The following THADA variants were observed in gnomAD, a reference collection of about 807,000 sequenced individuals.
THADA encodes the protein tRNA (32-2'-O)-methyltransferase regulator THADA.
A neutral mutation model predicts 219.8 loss-of-function variants in THADA; 213 were observed. That is an observed-to-expected ratio of 0.97 (90% confidence interval 0.87 to 1.09). THADA has a LOEUF of 1.09. Ranked by LOEUF, THADA falls within the 50% of genes least tolerant of loss-of-function variation. THADA has a pLI of 0.00. For missense variants in THADA, 2,956 were observed against 2,311.3 expected (o/e 1.28, Z -5.72); for synonymous variants, 1,018 against 828.9 (o/e 1.23, Z -3.92).
At chr2:43,546,028 T>C (rs939376758) in intron 20 of THADA, among the ~76,000 whole-genome samples, 1 of 150,696 alleles carries the variant, frequency 6.6e-6, no homozygotes, top group East Asian at 1.9e-4. Flanking sequence ...CAAATTTCCC[T>C]CTACACACTG....
At chr2:43,521,938 A>T (rs1011287201) in intron 22 of THADA, among the ~76,000 whole-genome samples, 1 of 152,216 alleles carries the variant, frequency 6.6e-6, no homozygotes, top group African/African-American at 2.4e-5. Flanking sequence ...GCACAGAGCT[A>T]TTTTTAACTT....
chr2:43,294,262 A>G (rs539559620), intron 31 of THADA, among the ~76,000 whole-genome samples: 76 of 152,258 alleles, frequency 5.0e-4, no homozygotes, highest in Admixed American at 2.0e-3. Context: ...TAGGAGCTAA[A>G]TAAGATCACT....
At chr2:43,249,067 C>G (rs1359787142) in intron 36 of THADA, among the ~76,000 whole-genome samples, 2 of 152,156 alleles carry the variant, frequency 1.3e-5, no homozygotes, top group African/African-American at 2.4e-5. Flanking sequence ...CACCATCCTT[C>G]CTCTCAGAAC....
At chr2:43,520,094 A>C (rs2103676461) in intron 22 of THADA, among the ~76,000 whole-genome samples, 1 of 152,328 alleles carries the variant, frequency 6.6e-6, no homozygotes, top group South Asian at 2.1e-4. Context: ...AGGGCCTAGC[A>C]AGGATATAAA....
chr2:43,457,938 C>A (rs987219725), intron 26 of THADA, among the ~76,000 whole-genome samples: 2 of 151,946 alleles, frequency 1.3e-5, no homozygotes, highest in African/African-American at 4.8e-5. Flanking sequence ...AAAAAAATCC[C>A]AGGTGATAGG....
chr2:43,503,057 T>C (rs1281260081), intron 24 of THADA, among the ~76,000 whole-genome samples: 1 of 152,126 alleles, frequency 6.6e-6, no homozygotes, highest in Non-Finnish European at 1.5e-5. Context: ...AGTCAAAAAC[T>C]GTAAAAGTCT....
At chr2:43,588,891 ATTACT>A (rs1320138284) in intron 4 of THADA, among the ~76,000 whole-genome samples, 1 of 152,164 alleles carries the variant, frequency 6.6e-6, no homozygotes, top group Non-Finnish European at 1.5e-5. Context: ...AAGTGATTAA[ATTACT>A]TTATACCATG....
chr2:43,414,109 T>C (rs1465669863), intron 28 of THADA, among the ~76,000 whole-genome samples: 1 of 152,258 alleles, frequency 6.6e-6, no homozygotes, highest in African/African-American at 2.4e-5. Flanking sequence ...GTTTACTTTT[T>C]CTCCAAATGT....
At chr2:43,306,657 G>C (rs1041071695) in intron 31 of THADA, among the ~76,000 whole-genome samples, 2 of 152,198 alleles carry the variant, frequency 1.3e-5, no homozygotes, top group Non-Finnish European at 2.9e-5. Context: ...AATCATCTGT[G>C]ATGTTGCAAG....
At chr2:43,302,530 T>C (rs927814188) in intron 31 of THADA, among the ~76,000 whole-genome samples, 2 of 151,962 alleles carry the variant, frequency 1.3e-5, no homozygotes, top group African/African-American at 2.4e-5. Context: ...TGGATTCACA[T>C]GGAAGGACAA....
At chr2:43,508,122 T>C (rs1212429551) in intron 23 of THADA, among the ~76,000 whole-genome samples, 3 of 152,108 alleles carry the variant, frequency 2.0e-5, no homozygotes, top group African/African-American at 7.2e-5. Context: ...CTAGAATATA[T>C]GGATGATAAT....
At chr2:43,352,470 A>C (rs1356938091) in intron 29 of THADA, among the ~76,000 whole-genome samples, 1 of 152,144 alleles carries the variant, frequency 6.6e-6, no homozygotes, top group East Asian at 1.9e-4. Context: ...AGGCAGGAGA[A>C]TCACTTGAAC....
At chr2:43,507,082 G>A (rs1689769405) in intron 23 of THADA, among the ~76,000 whole-genome samples, 1 of 152,072 alleles carries the variant, frequency 6.6e-6, no homozygotes, top group South Asian at 2.1e-4. Flanking sequence ...ACACTAAGCA[G>A]ATTTCCACCA....
intron 36 of THADA, among the ~76,000 whole-genome samples, chr2:43,266,969 C>T (rs1049248885): frequency 6.6e-6 from 1 of 152,008 alleles, no homozygotes; most frequent in Admixed American, 6.6e-5. Flanking sequence ...TTTTTGGTCT[C>T]TACTAAGTGT....
chr2:43,462,677 A>G (rs570564724), intron 26 of THADA, among the ~76,000 whole-genome samples: 3 of 152,286 alleles, frequency 2.0e-5, no homozygotes, highest in East Asian at 3.9e-4. Flanking sequence ...CTTCATTTCT[A>G]TCATTCTCTT....
intron 27 of THADA, among the ~76,000 whole-genome samples, chr2:43,428,741 T>C (rs552701483): frequency 6.6e-6 from 1 of 152,126 alleles, no homozygotes; most frequent in East Asian, 1.9e-4. Flanking sequence ...AACAGGGAAA[T>C]GGGCTTTCGT....
chr2:43,443,186 C>T (rs1463382123), intron 26 of THADA, among the ~76,000 whole-genome samples: 1 of 152,150 alleles, frequency 6.6e-6, no homozygotes. Context: ...GAGTATAATG[C>T]CCAGTTTACA....
intron 28 of THADA, among the ~76,000 whole-genome samples, chr2:43,402,999 T>C (rs111350412): frequency 7.2e-5 from 11 of 152,350 alleles, no homozygotes; most frequent in African/African-American, 2.6e-4. Context: ...AAGTCACTAG[T>C]ATGTGCCAGG....
intron 21 of THADA, among the ~76,000 whole-genome samples, chr2:43,528,395 G>A (rs1012966667): frequency 3.3e-5 from 5 of 152,142 alleles, no homozygotes; most frequent in African/African-American, 1.2e-4. Context: ...CTCCCAAAGT[G>A]CTGGGATTAC....
Sources: allele counts gnomAD v4.1 joint callset (sites outside exome capture counted in the v4.1 genomes callset), GRCh38; gene constraint gnomAD v4.1.1; transcripts MANE v1.5; gene names NCBI Gene and HGNC (gene_info 2026-07-23, HGNC 2026-07-21).